The following IMMP2L variants were observed in gnomAD, a reference collection of about 807,000 sequenced individuals.
The protein encoded by IMMP2L is inner mitochondrial membrane peptidase subunit 2.
Under a neutral mutation model 19.3 loss-of-function variants are expected in IMMP2L, and 18 were observed. The observed-to-expected ratio is 0.93, with a 90% CI of 0.64 to 1.38. IMMP2L has a LOEUF of 1.38. Among genes scored for constraint, IMMP2L ranks in the 40% most tolerant of loss-of-function variants. The pLI is 0.00. For synonymous variants in IMMP2L, 76 were observed against 73.0 expected (o/e 1.04, Z -0.21); for missense variants, 233 against 218.2 (o/e 1.07, Z -0.43).
intron 4 of IMMP2L, among the ~76,000 whole-genome samples, chr7:110,902,142 G>A (rs1037521926): frequency 7.9e-5 from 12 of 151,728 alleles, no homozygotes; most frequent in Non-Finnish European, 1.8e-4. Context: ...AGGGTTAAGG[G>A]GGATTAAAAT....
chr7:111,503,232 A>C (rs565047116), intron 2 of IMMP2L, among the ~76,000 whole-genome samples: 16 of 152,188 alleles, frequency 1.1e-4, no homozygotes, highest in Non-Finnish European at 1.9e-4. Context: ...GAAATGGATA[A>C]ATTCCTCAAC....
At chr7:111,560,685 C>T (rs191757926) in intron 1 of IMMP2L, among the ~76,000 whole-genome samples, 3 of 152,288 alleles carry the variant, frequency 2.0e-5, no homozygotes, top group Non-Finnish European at 4.4e-5. Context: ...TGGTGAAAGG[C>T]CTACCCCAAA....
intron 3 of IMMP2L, among the ~76,000 whole-genome samples, chr7:111,099,211 G>A (rs1797711612): frequency 6.6e-6 from 1 of 151,598 alleles, no homozygotes; most frequent in Non-Finnish European, 1.5e-5. Context: ...GCAAAACTTA[G>A]CTCATTGGTC....
chr7:110,793,831 G>A (rs191447172), intron 5 of IMMP2L, among the ~76,000 whole-genome samples: 18 of 151,976 alleles, frequency 1.2e-4, no homozygotes, highest in East Asian at 1.9e-4. Flanking sequence ...AAAACATCAC[G>A]TTTTATACCT....
intron 3 of IMMP2L, among the ~76,000 whole-genome samples, chr7:111,368,511 C>T (rs2131073927): frequency 6.6e-6 from 1 of 152,050 alleles, no homozygotes; most frequent in Non-Finnish European, 1.5e-5. Context: ...CACAGCCTAA[C>T]ATTTTTGTTG....
intron 3 of IMMP2L, among the ~76,000 whole-genome samples, chr7:111,364,887 T>C (rs1829619488): frequency 6.6e-6 from 1 of 150,650 alleles, no homozygotes; most frequent in Non-Finnish European, 1.5e-5. Context: ...GGAGAATCGC[T>C]TGAACCCAGG....
At chr7:110,885,609 G>A (rs1316961747) in intron 5 of IMMP2L, among the ~76,000 whole-genome samples, 3 of 152,006 alleles carry the variant, frequency 2.0e-5, no homozygotes, top group Admixed American at 2.0e-4. Flanking sequence ...AGGAACGTCT[G>A]CATTTCTACT....
intron 5 of IMMP2L, among the ~76,000 whole-genome samples, chr7:110,846,630 T>C (rs1805703610): frequency 6.6e-6 from 1 of 152,058 alleles, no homozygotes; most frequent in Non-Finnish European, 1.5e-5. Context: ...CCTCCCAAAA[T>C]GCTGAGATTA....
At chr7:111,170,309 GA>G (rs1382856873) in intron 3 of IMMP2L, among the ~76,000 whole-genome samples, 10 of 151,742 alleles carry the variant, frequency 6.6e-5, no homozygotes, top group Admixed American at 6.6e-4. Context: ...AGATGTACAG[GA>G]AACAACAGGT....
chr7:111,084,862 G>A (rs562521396), intron 3 of IMMP2L, among the ~76,000 whole-genome samples: 1 of 152,306 alleles, frequency 6.6e-6, no homozygotes, highest in African/African-American at 2.4e-5. Context: ...GAAACTTAAT[G>A]TGAGGAGAAC....
chr7:111,414,028 C>G (rs1834719983), intron 3 of IMMP2L, among the ~76,000 whole-genome samples: 2 of 151,858 alleles, frequency 1.3e-5, no homozygotes, highest in South Asian at 4.2e-4. Context: ...TGGCAAGTCG[C>G]AAGATGTTCC....
chr7:110,864,713 G>T (rs1021937089), intron 5 of IMMP2L, among the ~76,000 whole-genome samples: 2 of 151,932 alleles, frequency 1.3e-5, no homozygotes, highest in Admixed American at 1.3e-4. Context: ...CCTGTGTATT[G>T]CCATATGCTA....
chr7:111,263,177 C>A (rs781606058), intron 3 of IMMP2L, among the ~76,000 whole-genome samples: 1 of 151,944 alleles, frequency 6.6e-6, no homozygotes, highest in Non-Finnish European at 1.5e-5. Flanking sequence ...TTACTGGTAT[C>A]TTCAACAAAT....
chr7:111,322,707 A>C (rs555638698), intron 3 of IMMP2L, among the ~76,000 whole-genome samples: 13 of 151,806 alleles, frequency 8.6e-5, no homozygotes, highest in Non-Finnish European at 1.8e-4. Flanking sequence ...CAAGAAACCT[A>C]CTAATAATGA....
At chr7:111,058,852 TG>T (rs1439573266) in intron 3 of IMMP2L, among the ~76,000 whole-genome samples, 1 of 152,238 alleles carries the variant, frequency 6.6e-6, no homozygotes, top group African/African-American at 2.4e-5. Flanking sequence ...AAAATGGAGC[TG>T]AAAACTAAAA....
At chr7:110,948,474 C>A (rs1025991490) in intron 4 of IMMP2L, among the ~76,000 whole-genome samples, 2 of 152,124 alleles carry the variant, frequency 1.3e-5, no homozygotes, top group Non-Finnish European at 2.9e-5. Flanking sequence ...GCTAAAATAG[C>A]CACCAAAACA....
intron 3 of IMMP2L, among the ~76,000 whole-genome samples, chr7:111,398,581 C>A: frequency 6.6e-6 from 1 of 152,012 alleles, no homozygotes; most frequent in East Asian, 1.9e-4. Flanking sequence ...AGGATGCCCC[C>A]TCCCACCACT....
At chr7:111,410,703 G>A (rs894669720) in intron 3 of IMMP2L, among the ~76,000 whole-genome samples, 7 of 151,594 alleles carry the variant, frequency 4.6e-5, no homozygotes, top group African/African-American at 1.2e-4. Flanking sequence ...TGAACATAAC[G>A]AGAAGACAAA....
chr7:111,372,619 C>A (rs1446212997), intron 3 of IMMP2L, among the ~76,000 whole-genome samples: 1 of 148,226 alleles, frequency 6.7e-6, no homozygotes, highest in Admixed American at 6.8e-5. Flanking sequence ...GAGTTCTGTT[C>A]TTTTTTTTTT....
Sources: gnomAD v4.1 joint callset for allele counts (sites outside exome capture counted in the v4.1 genomes callset) on GRCh38, gnomAD v4.1.1 for gene constraint, MANE v1.5 for transcripts, NCBI Gene and HGNC (gene_info 2026-07-23, HGNC 2026-07-21) for gene names.